Variants in PITPNC1 observed in about 807,000 individuals in gnomAD.
The protein encoded by PITPNC1 is cytoplasmic phosphatidylinositol transfer protein 1.
PITPNC1 carries 18 observed loss-of-function variants against 44.7 expected under a neutral mutation model. That is an observed-to-expected ratio of 0.40 (90% CI 0.28 to 0.60). The LOEUF is 0.60. Ranked by LOEUF, PITPNC1 falls within the 20% of genes least tolerant of loss-of-function variation. The pLI is 0.39. For synonymous variants in PITPNC1, 141 were observed against 149.6 expected, an observed-to-expected ratio of 0.94 and a Z score of 0.42; for missense variants, 290 against 418.4, an observed-to-expected ratio of 0.69 and a Z score of 2.68.
intron 1 of PITPNC1, among the ~76,000 whole-genome samples, chr17:67,499,935 A>T (rs1402518002): frequency 6.6e-6 from 1 of 152,214 alleles, no homozygotes; most frequent in Admixed American, 6.5e-5. Context: ...ATCTGTTCTT[A>T]GTTCTTCCAT....
chr17:67,494,185 T>TTCTCTC, intron 1 of PITPNC1, among the ~76,000 whole-genome samples: 5 of 102,428 alleles, frequency 4.9e-5, no homozygotes, highest in African/African-American at 1.9e-4. Context: ...CTTTCTTTCT[T>TTCTCTC]TTTCTTTCTT....
intron 1 of PITPNC1, among the ~76,000 whole-genome samples, chr17:67,530,774 C>T (rs2040450874): frequency 6.6e-6 from 1 of 152,156 alleles, no homozygotes; most frequent in African/African-American, 2.4e-5. Flanking sequence ...AGTGTGTGCC[C>T]ATCTGTATAA....
chr17:67,644,109 T>C (rs187217265), intron 6 of PITPNC1, among the ~76,000 whole-genome samples: 7 of 152,350 alleles, frequency 4.6e-5, no homozygotes, highest in Admixed American at 3.3e-4. Context: ...GCCTCTGTTA[T>C]GGTTTAACCT....
At chr17:67,647,464 G>GTTTTTTTTGTTT (rs2042162118) in intron 6 of PITPNC1, among the ~76,000 whole-genome samples, 1 of 72,362 alleles carries the variant, frequency 1.4e-5, no homozygotes, top group African/African-American at 4.5e-5. Context: ...CTAATTTTGG[G>GTTTTTTTTGTTT]TTTTTTTTTT....
At chr17:67,569,113 G>GGA (rs76301871) in intron 4 of PITPNC1, among the ~76,000 whole-genome samples, 62,023 of 151,624 alleles carry the variant, frequency 0.41, 13,002 homozygotes, top group East Asian at 0.51. Flanking sequence ...ACAGAAATAA[G>GGA]GGCTGCCAGC....
intron 4 of PITPNC1, among the ~76,000 whole-genome samples, chr17:67,570,441 G>T: frequency 6.6e-6 from 1 of 152,200 alleles, no homozygotes. Flanking sequence ...GAAGCCATCA[G>T]GTGTCCTGTG....
intron 1 of PITPNC1, among the ~76,000 whole-genome samples, chr17:67,495,052 G>GTTTT (rs1243868487): frequency 0.036 from 1,346 of 37,844 alleles, no homozygotes; most frequent in Middle Eastern, 0.067. Flanking sequence ...TTTTTTTTTT[G>GTTTT]TTTTTTTTTT....
chr17:67,468,227 A>T (rs1455058590), intron 1 of PITPNC1, among the ~76,000 whole-genome samples: 1 of 152,092 alleles, frequency 6.6e-6, no homozygotes, highest in Non-Finnish European at 1.5e-5. Flanking sequence ...ATAGTACAGG[A>T]GGAAGCAGGC....
chr17:67,391,102 T>G (rs1326358616), intron 1 of PITPNC1, among the ~76,000 whole-genome samples: 2 of 146,608 alleles, frequency 1.4e-5, no homozygotes, highest in South Asian at 2.2e-4. Flanking sequence ...CTTTTTAAGT[T>G]TGGGTGAAGT....
intron 1 of PITPNC1, among the ~76,000 whole-genome samples, chr17:67,406,175 G>A (rs528193970): frequency 3.9e-5 from 6 of 151,908 alleles, no homozygotes; most frequent in Admixed American, 3.3e-4. Flanking sequence ...CTATGTTGCC[G>A]GGCTGGAGTA....
chr17:67,587,877 G>A (rs993471042), intron 5 of PITPNC1, among the ~76,000 whole-genome samples: 6 of 152,144 alleles, frequency 3.9e-5, no homozygotes, highest in Non-Finnish European at 8.8e-5. Flanking sequence ...GGAGAGAAAT[G>A]TTCTCTTCCT....
intron 1 of PITPNC1, among the ~76,000 whole-genome samples, chr17:67,397,377 A>G (rs895656959): frequency 6.6e-6 from 1 of 152,190 alleles, no homozygotes; most frequent in African/African-American, 2.4e-5. Flanking sequence ...TCACGGATTC[A>G]TCTATTTTTC....
At chr17:67,619,462 G>A (rs538800707) in intron 5 of PITPNC1, among the ~76,000 whole-genome samples, 6 of 152,146 alleles carry the variant, frequency 3.9e-5, no homozygotes, top group Non-Finnish European at 7.4e-5. Flanking sequence ...TTCTACTTGT[G>A]CTTCTTGGCC....
intron 6 of PITPNC1, among the ~76,000 whole-genome samples, chr17:67,650,441 CTTTTTTTTTTTT>C (rs34611864): frequency 4.2e-5 from 3 of 70,984 alleles, no homozygotes; most frequent in African/African-American, 1.3e-4. Context: ...AAACCATAGG[CTTTTTTTTTTTT>C]TTTTTTTTTT....
intron 3 of PITPNC1, 129 bp downstream of exon 3, chr17:67,552,474 T>A (rs1207236369): frequency 3.2e-6 from 2 of 628,856 alleles, no homozygotes; most frequent in Middle Eastern, 2.5e-4. Context: ...CCTCTTTTTT[T>A]TTTTGGTTTC....
intron 1 of PITPNC1, among the ~76,000 whole-genome samples, chr17:67,484,187 G>C (rs1353305436): frequency 2.0e-5 from 3 of 151,966 alleles, no homozygotes; most frequent in African/African-American, 7.3e-5. Context: ...CAAATTACTG[G>C]GATTACAGGG....
intron 1 of PITPNC1, among the ~76,000 whole-genome samples, chr17:67,411,656 T>C (rs1319714060): frequency 6.6e-6 from 1 of 152,016 alleles, no homozygotes; most frequent in Non-Finnish European, 1.5e-5. Flanking sequence ...AGAAGGCAAC[T>C]TGGTGTCAGG....
At chr17:67,439,684 T>G (rs1288803876) in intron 1 of PITPNC1, among the ~76,000 whole-genome samples, 5 of 152,230 alleles carry the variant, frequency 3.3e-5, no homozygotes, top group Admixed American at 3.3e-4. Context: ...CATTGTTGAA[T>G]TATTATGTTA....
At chr17:67,586,340 T>C (rs1224222434) in intron 5 of PITPNC1, among the ~76,000 whole-genome samples, 1 of 150,700 alleles carries the variant, frequency 6.6e-6, no homozygotes, top group Non-Finnish European at 1.5e-5. Flanking sequence ...TCCAGCACTT[T>C]GGGAGGCTGA....
Sources: allele counts gnomAD v4.1 joint callset (sites outside exome capture counted in the v4.1 genomes callset), GRCh38; gene constraint gnomAD v4.1.1; transcripts MANE v1.5; gene names NCBI Gene and HGNC (gene_info 2026-07-23, HGNC 2026-07-21).